The following ACTR2 variants were observed in gnomAD, a reference collection of about 807,000 sequenced individuals.
ACTR2 encodes actin related protein 2.
Under a neutral mutation model 50.2 loss-of-function variants are expected in ACTR2, and 5 were observed. The ratio of observed to expected loss-of-function variants is 0.10; its 90% CI spans 0.05 to 0.21. The LOEUF (loss-of-function observed/expected upper bound fraction) is 0.21. ACTR2 is among the 10% of genes least tolerant of loss of function. The probability of loss-of-function intolerance (pLI) is 1.00; values close to 1 mark genes in which losing one functional copy is unlikely to be tolerated. For synonymous variants in ACTR2, 140 were observed against 162.9 expected, an observed-to-expected ratio of 0.86 and a Z score of 1.07; for missense variants, 180 against 480.6, an observed-to-expected ratio of 0.37 and a Z score of 5.85.
chr2:65,268,054 G>A (rs1349687310), intron 8 of ACTR2, among the ~76,000 whole-genome samples: 2 of 151,430 alleles, frequency 1.3e-5, no homozygotes, highest in East Asian at 3.9e-4. Flanking sequence ...AGCCAGGATG[G>A]TCTCGATCTC....
At chr2:65,258,553 C>T (rs1222699529) in intron 6 of ACTR2, among the ~76,000 whole-genome samples, 1 of 151,982 alleles carries the variant, frequency 6.6e-6, no homozygotes, top group African/African-American at 2.4e-5. Context: ...TGCACCACTG[C>T]ACTCCAGCCT....
At chr2:65,229,017 T>A in intron 1 of ACTR2, among the ~76,000 whole-genome samples, 1 of 151,708 alleles carries the variant, frequency 6.6e-6, no homozygotes, top group East Asian at 1.9e-4. Context: ...GAAGCGGAGG[T>A]TGCAGTGAGC....
At chr2:65,245,011 T>C (rs1671910566) in intron 2 of ACTR2, among the ~76,000 whole-genome samples, 1 of 151,918 alleles carries the variant, frequency 6.6e-6, no homozygotes, top group South Asian at 2.1e-4. Flanking sequence ...TAGTAAGTTA[T>C]GGTAAATGAA....
chr2:65,239,729 G>A, intron 1 of ACTR2, 123 bp from the exon 2 acceptor site: 1 of 673,800 alleles, frequency 1.5e-6, no homozygotes, highest in East Asian at 2.8e-5. Flanking sequence ...TACTTCGGGT[G>A]GACTGAAAGC....
At chr2:65,242,310 C>T (rs1048921250) in intron 2 of ACTR2, among the ~76,000 whole-genome samples, 2 of 151,968 alleles carry the variant, frequency 1.3e-5, no homozygotes, top group Admixed American at 1.3e-4. Context: ...AATTGTTTTC[C>T]TTGTTTTTCT....
chr2:65,247,717 C>A (rs964379355), intron 3 of ACTR2, among the ~76,000 whole-genome samples: 5 of 152,074 alleles, frequency 3.3e-5, no homozygotes, highest in Non-Finnish European at 7.4e-5. Flanking sequence ...CTTGCTGTCT[C>A]GGGTGGCAGA....
chr2:65,255,068 C>T (rs975571748), intron 5 of ACTR2, among the ~76,000 whole-genome samples: 129 of 152,020 alleles, frequency 8.5e-4, no homozygotes, highest in African/African-American at 2.9e-3. Flanking sequence ...CAATAATTCC[C>T]TTATCATTCG....
chr2:65,264,924 A>G (rs1042361607), intron 7 of ACTR2, 119 bp from the exon 8 acceptor site: 2 of 1,125,470 alleles, frequency 1.8e-6, no homozygotes, highest in East Asian at 2.4e-5. Context: ...CCTGTGATTT[A>G]CATGTGGAAT....
chr2:65,245,236 T>C (rs1489636666), intron 2 of ACTR2, among the ~76,000 whole-genome samples: 1 of 152,108 alleles, frequency 6.6e-6, no homozygotes, highest in East Asian at 1.9e-4. Context: ...ACATCTCATG[T>C]TGGCCAGGTG....
chr2:65,250,967 CATTT>C, intron 3 of ACTR2, 56 bp from the exon 4 acceptor site: 1 of 1,228,360 alleles, frequency 8.1e-7, no homozygotes, highest in Non-Finnish European at 1.2e-6. Flanking sequence ...ATGAGGAAAA[CATTT>C]ATTTATTATG....
At chr2:65,268,129 C>G (rs908766971) in intron 8 of ACTR2, among the ~76,000 whole-genome samples, 2 of 151,874 alleles carry the variant, frequency 1.3e-5, no homozygotes, top group African/African-American at 4.8e-5. Flanking sequence ...GCCACCACAC[C>G]CAGCCATGCA....
chr2:65,242,796 A>T (rs1671865608), intron 2 of ACTR2: 1 of 261,554 alleles, frequency 3.8e-6, no homozygotes, highest in African/African-American at 2.3e-5. Flanking sequence ...TGTAGTAGAT[A>T]CTTTTCAAGT....
chr2:65,263,266 T>G (rs77148344), intron 7 of ACTR2, among the ~76,000 whole-genome samples: 3 of 37,106 alleles, frequency 8.1e-5, no homozygotes, highest in Admixed American at 1.9e-4. Flanking sequence ...GAGTTTTGGG[T>G]TTTTTTTTTT....
chr2:65,261,097 C>A, intron 6 of ACTR2, 150 bp from the exon 7 acceptor site: 3 of 736,518 alleles, frequency 4.1e-6, no homozygotes, highest in Non-Finnish European at 6.5e-6. Context: ...TTTAATTTAC[C>A]TTTTTTTCCC....
chr2:65,241,148 C>T (rs945286441), intron 2 of ACTR2, among the ~76,000 whole-genome samples: 4 of 152,000 alleles, frequency 2.6e-5, no homozygotes, highest in East Asian at 1.9e-4. Context: ...ATTGTGAACT[C>T]CTTTCATTCT....
At chr2:65,234,035 C>T (rs1382379485) in intron 1 of ACTR2, among the ~76,000 whole-genome samples, 4 of 152,032 alleles carry the variant, frequency 2.6e-5, no homozygotes, top group East Asian at 3.9e-4. Context: ...CTCAGCCTCC[C>T]GAGTTTCTGG....
Position 65,227,878 on chromosome 2 carries a change from T to C in ACTR2, c.-32T>C. 5 of 1,501,778 alleles carry C rather than the reference T, an allele frequency of 3.3e-6. No homozygotes were observed. The highest frequency in any genetic ancestry group is 4.4e-6 in the Non-Finnish European group (5 of 1,125,002). 93.0% of individuals were successfully genotyped at this position (1,501,778 alleles called of 1,614,324 possible). A position where few individuals can be genotyped will look rare whatever the true frequency, so the allele number is the denominator to read the frequency against. On this transcript the variant is annotated 5_prime_UTR_variant, in exon 1 of 9. Transcript: ENST00000260641. ...GCCGGGCGGCGGTGGCTGTAGGTTG[T>C]GCGGCTGCAGCGGCTCTTCCCTGGG...
chr2:65,269,998 T>C lies in ACTR2; in HGVS notation c.*1264T>C, dbSNP rs1672461155. ...TGAAGCTTGAAAGAAGAGTCTTTGG[T>C]ATTTTGTAAACGTTAGCAGACTTTC... On this transcript the variant is annotated 3_prime_UTR_variant, in exon 9 of 9. Transcript: ENST00000260641. The C allele has an allele frequency of 6.6e-6, 1 of 152,240 alleles. No homozygotes were observed. Among genetic ancestry groups the C allele is most frequent in the South Asian group, 2.1e-4 (1 of 4,832 alleles). The allele number at this position is 152,240 out of a possible 1,614,324, so 9.4% of individuals were successfully genotyped here.
intron 8 of ACTR2, among the ~76,000 whole-genome samples, chr2:65,265,940 G>A (rs1672364459): frequency 6.6e-6 from 1 of 152,150 alleles, no homozygotes; most frequent in African/African-American, 2.4e-5. Flanking sequence ...ATGACTCATT[G>A]TTGAAATTAA....
Sources: allele counts gnomAD v4.1 joint callset (sites outside exome capture counted in the v4.1 genomes callset), GRCh38; gene constraint gnomAD v4.1.1; transcripts MANE v1.5; gene names NCBI Gene and HGNC (gene_info 2026-07-23, HGNC 2026-07-21).